The following NPAS3 variants were observed in gnomAD, a reference collection of about 807,000 sequenced individuals.
The protein encoded by NPAS3 is neuronal PAS domain protein 3.
Under a neutral mutation model 73.1 loss-of-function variants are expected in NPAS3, and 14 were observed. The observed-to-expected ratio is 0.19, with a 90% CI of 0.13 to 0.30. The LOEUF (loss-of-function observed/expected upper bound fraction) is 0.30, where lower values mean the gene tolerates loss of function less well. NPAS3 is among the 10% of genes least tolerant of loss of function. The probability of loss-of-function intolerance (pLI) is 1.00; values close to 1 mark genes in which losing one functional copy is unlikely to be tolerated. For missense variants in NPAS3, 1,096 were observed against 1,250.0 expected (o/e 0.88, Z 1.86); for synonymous variants, 620 against 541.5 (o/e 1.14, Z -2.01).
intron 2 of NPAS3, among the ~76,000 whole-genome samples, chr14:33,060,217 G>C (rs1446108133): frequency 1.3e-5 from 2 of 152,206 alleles, no homozygotes; most frequent in African/African-American, 4.8e-5. Context: ...ACTGAGCTAG[G>C]TGTTTGTAGC....
At chr14:33,107,133 A>G (rs1423536510) in intron 2 of NPAS3, among the ~76,000 whole-genome samples, 1 of 151,824 alleles carries the variant, frequency 6.6e-6, no homozygotes, top group Non-Finnish European at 1.5e-5. Context: ...CTTGAGCTGA[A>G]CTCTCTATCC....
At chr14:33,315,301 T>C (rs2043163918) in intron 3 of NPAS3, among the ~76,000 whole-genome samples, 1 of 152,036 alleles carries the variant, frequency 6.6e-6, no homozygotes, top group South Asian at 2.1e-4. Flanking sequence ...TTTGCCAAAA[T>C]TTTGAAATTG....
chr14:33,540,982 C>T (rs1265147238), intron 4 of NPAS3, among the ~76,000 whole-genome samples: 1 of 151,942 alleles, frequency 6.6e-6, no homozygotes, highest in African/African-American at 2.4e-5. Context: ...TGCGTTTTCC[C>T]CCCCAAGTCA....
chr14:33,756,854 G>A (rs1037380629), intron 7 of NPAS3, among the ~76,000 whole-genome samples: 2 of 152,296 alleles, frequency 1.3e-5, no homozygotes, highest in Middle Eastern at 3.4e-3. Flanking sequence ...GCAATCCCTG[G>A]TAGTACATAC....
intron 1 of NPAS3, among the ~76,000 whole-genome samples, chr14:32,985,276 T>C (rs947535458): frequency 1.3e-5 from 2 of 152,108 alleles, no homozygotes; most frequent in Non-Finnish European, 2.9e-5. Context: ...TTAATTTAGG[T>C]AGGGCTCGTG....
chr14:33,128,504 C>G (rs78426967), intron 2 of NPAS3, among the ~76,000 whole-genome samples: 2 of 152,040 alleles, frequency 1.3e-5, no homozygotes, highest in Admixed American at 6.6e-5. Flanking sequence ...AAATACTATT[C>G]GAACAGAATA....
chr14:33,393,536 C>T (rs1209467465), intron 4 of NPAS3, among the ~76,000 whole-genome samples: 1 of 152,160 alleles, frequency 6.6e-6, no homozygotes, highest in Non-Finnish European at 1.5e-5. Context: ...TAGGCATATA[C>T]TCTTCCTTCA....
chr14:33,300,831 A>G (rs1380088442), intron 3 of NPAS3, among the ~76,000 whole-genome samples: 1 of 152,116 alleles, frequency 6.6e-6, no homozygotes, highest in East Asian at 1.9e-4. Flanking sequence ...TAAGCCAGCC[A>G]GGAGCCTCCA....
chr14:33,204,592 T>G (rs1412715644), intron 2 of NPAS3, among the ~76,000 whole-genome samples: 1 of 152,012 alleles, frequency 6.6e-6, no homozygotes, highest in African/African-American at 2.4e-5. Context: ...TTCAAGGATG[T>G]GACACACGGA....
intron 11 of NPAS3, 109 bp from the exon 12 acceptor site, chr14:33,799,625 C>A: frequency 2.7e-6 from 3 of 1,126,306 alleles, no homozygotes; most frequent in Non-Finnish European, 3.8e-6. Flanking sequence ...ACTTGCCCTG[C>A]TCCCCGCCCC....
chr14:33,556,697 C>T (rs1296410762), intron 4 of NPAS3, among the ~76,000 whole-genome samples: 1 of 152,188 alleles, frequency 6.6e-6, no homozygotes, highest in Non-Finnish European at 1.5e-5. Flanking sequence ...TTAATCCTGG[C>T]TCTGCCACTG....
chr14:33,637,854 T>C (rs1435803069), intron 5 of NPAS3, among the ~76,000 whole-genome samples: 2 of 152,294 alleles, frequency 1.3e-5, no homozygotes, highest in East Asian at 1.9e-4. Context: ...CTAAATATGA[T>C]GGTTGTAAAA....
chr14:33,369,765 T>C (rs1198521236), intron 4 of NPAS3, among the ~76,000 whole-genome samples: 1 of 152,168 alleles, frequency 6.6e-6, no homozygotes, highest in East Asian at 1.9e-4. Context: ...CAAGAAGGAA[T>C]TGGGAAGTAG....
At chr14:33,129,378 G>A (rs2043550210) in intron 2 of NPAS3, among the ~76,000 whole-genome samples, 1 of 152,136 alleles carries the variant, frequency 6.6e-6, no homozygotes, top group Non-Finnish European at 1.5e-5. Context: ...TAACACATGT[G>A]AATATTGATA....
intron 2 of NPAS3, among the ~76,000 whole-genome samples, chr14:33,106,563 T>A (rs1255586930): frequency 6.6e-6 from 1 of 152,178 alleles, no homozygotes; most frequent in Non-Finnish European, 1.5e-5. Context: ...AGTTGAACTT[T>A]TGAAAAGTTG....
intron 2 of NPAS3, among the ~76,000 whole-genome samples, chr14:33,114,497 C>T (rs2042996380): frequency 6.6e-6 from 1 of 152,100 alleles, no homozygotes. Flanking sequence ...AGGTTACTGC[C>T]TTATGAGAGA....
At chr14:33,350,508 T>C (rs1269209640) in intron 3 of NPAS3, among the ~76,000 whole-genome samples, 1 of 152,298 alleles carries the variant, frequency 6.6e-6, no homozygotes, top group African/African-American at 2.4e-5. Flanking sequence ...TACATTAAAC[T>C]AGAATAAAAA....
chr14:33,467,764 G>A (rs895257909), intron 4 of NPAS3, among the ~76,000 whole-genome samples: 1 of 152,084 alleles, frequency 6.6e-6, no homozygotes, highest in African/African-American at 2.4e-5. Flanking sequence ...GAATCAATAA[G>A]GACCCTTTAG....
chr14:33,710,553 G>A (rs550696317), intron 6 of NPAS3, among the ~76,000 whole-genome samples: 33 of 152,294 alleles, frequency 2.2e-4, no homozygotes, highest in African/African-American at 7.7e-4. Flanking sequence ...CCTTTTGGCT[G>A]GAAAACGAAT....
Sources: allele counts gnomAD v4.1 joint callset (sites outside exome capture counted in the v4.1 genomes callset), GRCh38; gene constraint gnomAD v4.1.1; transcripts MANE v1.5; gene names NCBI Gene and HGNC (gene_info 2026-07-23, HGNC 2026-07-21).